Variants in TBC1D1 observed in about 807,000 individuals in gnomAD.
The protein encoded by TBC1D1 is TBC1 domain family member 1.
In TBC1D1, 89 loss-of-function variants were observed where a neutral mutation model predicts 125.6. The observed-to-expected ratio is 0.71, with a 90% CI of 0.60 to 0.85. The LOEUF is 0.85. TBC1D1 is among the 40% of genes least tolerant of loss of function. The pLI, the probability that TBC1D1 is intolerant of heterozygous loss-of-function variation, is 0.00. For synonymous variants in TBC1D1, 565 were observed against 564.1 expected (o/e 1.00, Z -0.02); for missense variants, 1,377 against 1,469.2 (o/e 0.94, Z 1.03).
intron 12 of TBC1D1, among the ~76,000 whole-genome samples, chr4:38,074,442 AG>A (rs1232768520): frequency 4.6e-5 from 7 of 152,322 alleles, no homozygotes; most frequent in African/African-American, 1.7e-4. Flanking sequence ...CAGGCTTGGA[AG>A]GATCGATTTC....
chr4:38,131,890 G>A (rs2152635097), intron 18 of TBC1D1, among the ~76,000 whole-genome samples: 1 of 152,290 alleles, frequency 6.6e-6, no homozygotes, highest in South Asian at 2.1e-4. Context: ...GGCATCAAAT[G>A]ACTTTTGTGC....
intron 2 of TBC1D1, among the ~76,000 whole-genome samples, chr4:37,979,968 A>G (rs966730411): frequency 6.6e-5 from 10 of 152,184 alleles, no homozygotes; most frequent in African/African-American, 2.4e-4. Context: ...AAATAGAGAC[A>G]GGGTTTCTCC....
At chr4:38,027,569 G>C (rs892122960) in intron 6 of TBC1D1, among the ~76,000 whole-genome samples, 11 of 152,088 alleles carry the variant, frequency 7.2e-5, no homozygotes, top group African/African-American at 2.7e-4. Context: ...GTTGAGGCTC[G>C]CATAATCAGT....
intron 15 of TBC1D1, among the ~76,000 whole-genome samples, chr4:38,110,896 GC>G (rs1315157955): frequency 6.6e-6 from 1 of 152,222 alleles, no homozygotes; most frequent in African/African-American, 2.4e-5. Context: ...GGGGTGTGTG[GC>G]CTTCTCTCCT....
In TBC1D1 at chr4:38,120,651, C is replaced by G. The variant is rs149365501; in HGVS notation, c.2962+2459C>G. ...AGTATGTATCTGCTCCTTGGAGGGG[C>G]GGCTGCCAGTGATGTGTGCGCCTTA... On this transcript the variant is annotated intron_variant, in intron 17 of 19. Coordinates refer to ENST00000261439, the MANE Select transcript of TBC1D1 (RefSeq NM_015173.4). Among the ~76,000 whole-genome samples the G allele has an allele frequency of 2.4e-3, 368 of 152,282 alleles. 3 individuals are homozygous for G. The highest frequency in any genetic ancestry group is 8.3e-3 in the African/African-American group (345 of 41,560).
rs758451151 is a variant in TBC1D1 at position 38,125,151 on chromosome 4, T to C, written c.3132+20T>C. 1 of 1,610,302 alleles carries C rather than the reference T, an allele frequency of 6.2e-7. No homozygotes were observed. Among genetic ancestry groups the C allele is most frequent in the African/African-American group, 1.3e-5 (1 of 74,676 alleles). ...AATCAGGTATGAGTCAGTCCAAACCTTGCAAATGCTTAAGCCATCCTAGAT... is the reference window on the plus strand; with the variant it reads ...AATCAGGTATGAGTCAGTCCAAACCCTGCAAATGCTTAAGCCATCCTAGAT... On this transcript the variant is annotated intron_variant, in intron 18 of 19. Transcript: ENST00000261439.
intron 15 of TBC1D1, among the ~76,000 whole-genome samples, chr4:38,105,230 A>G (rs1461894484): frequency 1.3e-5 from 2 of 152,064 alleles, no homozygotes; most frequent in Admixed American, 6.5e-5. Context: ...GCTTATTATC[A>G]TCACTGCTGC....
At chr4:37,949,597 G>A (rs116792542) in intron 2 of TBC1D1, among the ~76,000 whole-genome samples, 1 of 152,186 alleles carries the variant, frequency 6.6e-6, no homozygotes, top group Non-Finnish European at 1.5e-5. Flanking sequence ...CAGTGCTAGG[G>A]ATCTAATCAC....
chr4:38,027,273 C>T (rs910405649), intron 6 of TBC1D1, among the ~76,000 whole-genome samples: 2 of 152,184 alleles, frequency 1.3e-5, no homozygotes, highest in African/African-American at 4.8e-5. Flanking sequence ...TATACAGTGT[C>T]TAGCACATCA....
Position 38,014,391 on chromosome 4 carries a change from C to A in TBC1D1, c.418-118C>A. The A allele has an allele frequency of 9.3e-6, 9 of 965,092 alleles. No individual in the cohort carries two copies. Among genetic ancestry groups the A allele is most frequent in the South Asian group, 1.5e-5 (1 of 64,996 alleles). 59.8% of individuals were successfully genotyped at this position (965,092 alleles called of 1,614,324 possible). On this transcript the variant is annotated intron_variant, in intron 2 of 19. Transcript: ENST00000261439. This position sits in a 1 kb window ranked among gnomAD's most constrained non-coding sequence, Gnocchi z 5.1. ...TGGGCTCCTCCTCCAGTGGGCTCCT[C>A]CTCCAGTGCTCCGCAGTGGAGTAGC...
intron 2 of TBC1D1, among the ~76,000 whole-genome samples, chr4:37,920,651 A>G (rs1048720952): frequency 2.0e-5 from 3 of 152,192 alleles, no homozygotes; most frequent in African/African-American, 4.8e-5. Context: ...GAGCATACAC[A>G]TGGGAGTCAA....
intron 16 of TBC1D1, among the ~76,000 whole-genome samples, chr4:38,117,350 C>T (rs1270526847): frequency 2.0e-5 from 3 of 152,084 alleles, no homozygotes; most frequent in African/African-American, 4.8e-5. Context: ...CCTCTGTGAG[C>T]CTGTAACTCT....
At chr4:38,119,580 T>C (rs1578809215) in intron 17 of TBC1D1, among the ~76,000 whole-genome samples, 3 of 152,162 alleles carry the variant, frequency 2.0e-5, no homozygotes, top group Non-Finnish European at 2.9e-5. Context: ...ACAAAAGAGT[T>C]ACAGAAACTA....
chr4:37,927,045 G>A (rs2152282648), intron 2 of TBC1D1, among the ~76,000 whole-genome samples: 1 of 152,272 alleles, frequency 6.6e-6, no homozygotes, highest in South Asian at 2.1e-4. Flanking sequence ...CTTGAACCCA[G>A]GAGGCAGAGG....
intron 2 of TBC1D1, among the ~76,000 whole-genome samples, chr4:37,921,998 A>C (rs1409094739): frequency 6.6e-6 from 1 of 151,954 alleles, no homozygotes; most frequent in Non-Finnish European, 1.5e-5. Flanking sequence ...TGGCTTATTT[A>C]AGTGCTGGGA....
intron 2 of TBC1D1, among the ~76,000 whole-genome samples, chr4:37,982,156 TAGA>T (rs1434344162): frequency 6.6e-6 from 1 of 152,228 alleles, no homozygotes; most frequent in Non-Finnish European, 1.5e-5. Context: ...TCCTGCAGAC[TAGA>T]CCAGCCCACC....
At chr4:37,917,281 C>T (rs1380801433) in intron 2 of TBC1D1, among the ~76,000 whole-genome samples, 1 of 151,540 alleles carries the variant, frequency 6.6e-6, no homozygotes, top group Non-Finnish European at 1.5e-5. Flanking sequence ...CAAGACCAGC[C>T]TGGCCAACAT....
At chr4:37,911,921 C>T (rs1004776687) in intron 2 of TBC1D1, among the ~76,000 whole-genome samples, 13 of 152,098 alleles carry the variant, frequency 8.5e-5, no homozygotes, top group African/African-American at 2.2e-4. Flanking sequence ...AAGCAAGAGA[C>T]GAACTATGAA....
At chr4:37,990,258 C>G (rs1053087017) in intron 2 of TBC1D1, among the ~76,000 whole-genome samples, 3 of 151,874 alleles carry the variant, frequency 2.0e-5, no homozygotes, top group Admixed American at 6.6e-5. Flanking sequence ...GGGCTACATA[C>G]AGGCCAGGAT....
Sources: gnomAD v4.1 joint callset for allele counts (sites outside exome capture counted in the v4.1 genomes callset) on GRCh38, gnomAD v4.1.1 for gene constraint, Gnocchi (gnomAD v3.1) non-coding constraint, MANE v1.5 for transcripts, NCBI Gene and HGNC (gene_info 2026-07-23, HGNC 2026-07-21) for gene names.